The following TRHDE variants were observed in gnomAD, a reference collection of about 807,000 sequenced individuals.
TRHDE encodes thyrotropin-releasing hormone-degrading ectoenzyme.
In TRHDE, 72 loss-of-function variants were observed where a neutral mutation model predicts 125.7. The observed-to-expected ratio is 0.57, with a 90% CI of 0.47 to 0.70. TRHDE has a LOEUF of 0.70. TRHDE is among the 30% of genes least tolerant of loss of function. The pLI is 0.00. For missense variants in TRHDE, 1,110 were observed against 1,327.1 expected (o/e 0.84, Z 2.54); for synonymous variants, 509 against 509.1 (o/e 1.00, Z 0.00).
chr12:72,233,696 T>A (rs1479717635), intron 2 of TRHDE, among the ~76,000 whole-genome samples: 1 of 152,164 alleles, frequency 6.6e-6, no homozygotes, highest in Non-Finnish European at 1.5e-5. Context: ...AACCTCAGCA[T>A]AAAATGTTAT....
chr12:72,131,065 ATT>A lies in TRHDE; in HGVS notation n.279+25336_279+25337del, dbSNP rs757285511. On this transcript the variant is annotated intron_variant and non_coding_transcript_variant, in intron 2 of 4. Coordinates refer to the TRHDE transcript ENST00000548156. ...TATATTTCTTGTACTACTTAATGTAATTTTTTTTTTTTTTTTTTTTTTTTGAG... is the reference window on the plus strand; with the variant it reads ...TATATTTCTTGTACTACTTAATGTAATTTTTTTTTTTTTTTTTTTTTTGAG... 7.4e-3 allele frequency among the ~76,000 whole-genome samples: 782 copies of A among 105,356 alleles called. 2 individuals are homozygous for A. Among genetic ancestry groups the A allele is most frequent in the African/African-American group, 0.029 (735 of 25,700 alleles). 69.1% of individuals were successfully genotyped at this position (105,356 alleles called of 152,430 possible). A position where few individuals can be genotyped will look rare whatever the true frequency, so the allele number is the denominator to read the frequency against.
intron 3 of TRHDE, among the ~76,000 whole-genome samples, chr12:72,423,789 CTT>C (rs1206471201): frequency 6.6e-6 from 1 of 151,872 alleles, no homozygotes; most frequent in Non-Finnish European, 1.5e-5. Context: ...TCGGAAGAGT[CTT>C]TAAAAGTGGA....
intron 2 of TRHDE, among the ~76,000 whole-genome samples, chr12:72,287,963 A>G (rs1044682838): frequency 4.6e-5 from 7 of 151,198 alleles, no homozygotes; most frequent in African/African-American, 1.2e-4. Flanking sequence ...TTTTTTTTCA[A>G]ATGAGTAAAG....
chr12:72,372,782 G>A (rs1190324036), intron 2 of TRHDE, among the ~76,000 whole-genome samples: 1 of 152,110 alleles, frequency 6.6e-6, no homozygotes, highest in Non-Finnish European at 1.5e-5. Context: ...ATGCTGTTTT[G>A]GTTACTGTAG....
At position 72,128,003 on chromosome 12, in the gene TRHDE, G is replaced by A. The variant is rs139830818; in HGVS notation, n.279+22251G>A. Among the ~76,000 whole-genome samples the A allele has an allele frequency of 4.3e-3, 647 of 152,160 alleles. 1 individual carries two copies. Among genetic ancestry groups the A allele is most frequent in the African/African-American group, 0.015 (625 of 41,506 alleles). On this transcript the variant is annotated intron_variant and non_coding_transcript_variant, in intron 2 of 4. Transcript: ENST00000548156. ...CTGAGTTTGCAGAACAGAGTATTAG[G>A]AGTGAGCTGCAAAAAAAACAGAACC...
At position 72,371,840 on chromosome 12, in the gene TRHDE, C is replaced by T. The variant is rs57916278; in HGVS notation, c.1189-6155C>T. On this transcript the variant is annotated intron_variant, in intron 2 of 18. Transcript: ENST00000261180. ...AAGTCTTTGCTATTGTGAATAGTGCCGCAATAAACATACATGTGCATGTGT... is the reference window on the plus strand; with the variant it reads ...AAGTCTTTGCTATTGTGAATAGTGCTGCAATAAACATACATGTGCATGTGT... Among the ~76,000 whole-genome samples, 1,239 of 152,120 alleles carry T rather than the reference C, an allele frequency of 8.1e-3. 26 individuals are homozygous for T. Among genetic ancestry groups the T allele is most frequent in the African/African-American group, 0.028 (1,163 of 41,468 alleles).
Position 72,542,341 on chromosome 12 carries a change from C to T in TRHDE, c.1773C>T (p.Phe591=). The part of the protein sequence containing the change: ...MLANFMGHSV[F]QRGLQDYLTI... ...CTAATTTTATGGGCCATTCAGTTTT[C>T]CAGAGGGGTTTGCAAGTAAGTAAAA... The change falls in exon 7 of 19, where the codon TTC becomes TTT. Residue 591 remains phenylalanine (F), a synonymous_variant. Transcript: ENST00000261180. The T allele has an allele frequency of 1.9e-6, 3 of 1,604,044 alleles. No individual in the cohort carries two copies. The highest frequency in any genetic ancestry group is 2.6e-6 in the Non-Finnish European group (3 of 1,173,820).
chr12:72,540,300 A>C (rs984429486), intron 6 of TRHDE, among the ~76,000 whole-genome samples: 2 of 151,778 alleles, frequency 1.3e-5, no homozygotes, highest in African/African-American at 4.8e-5. Flanking sequence ...TAATATAATC[A>C]GGAGCTAAGT....
intron 2 of TRHDE, among the ~76,000 whole-genome samples, chr12:72,218,994 G>A (rs1877950309): frequency 6.6e-6 from 1 of 151,982 alleles, no homozygotes; most frequent in South Asian, 2.1e-4. Flanking sequence ...TCTAAATTTT[G>A]CCAGAGAGCA....
In TRHDE at chr12:72,663,835, A is replaced by G. The variant is rs891206980; in HGVS notation, c.*640A>G. 6.6e-6 allele frequency: 1 copy of G among 152,122 alleles called. No individual in the cohort carries two copies. Among genetic ancestry groups the G allele is most frequent in the Non-Finnish European group, 1.5e-5 (1 of 68,032 alleles). 9.4% of individuals were successfully genotyped at this position (152,122 alleles called of 1,614,324 possible). ...CATTTTCTTTGAGTTAAAGCTGTGT[A>G]TACATTTTAAAAGGCATATAGATAG... is the stretch of plus-strand genomic sequence containing the variant. On this transcript the variant is annotated 3_prime_UTR_variant, in exon 19 of 19. Transcript: ENST00000261180.
chr12:72,155,362 G>A lies in TRHDE; in HGVS notation n.279+49610G>A, dbSNP rs537576412. On this transcript the variant is annotated intron_variant and non_coding_transcript_variant, in intron 2 of 4. Transcript: ENST00000548156. ...GAACTTCCTTCTTTAGCTCAGAGTA[G>A]TTTGATCGTCTGAAGCCTTCTTCTC... 3.3e-5 allele frequency among the ~76,000 whole-genome samples: 5 copies of A among 152,124 alleles called. No homozygotes were observed. In the South Asian group the frequency reaches 8.3e-4, roughly 25 times the overall value.
At chr12:72,106,581 A>G (rs543505896) in intron 2 of TRHDE, among the ~76,000 whole-genome samples, 191 of 152,234 alleles carry the variant, frequency 1.3e-3, no homozygotes, top group African/African-American at 3.0e-3. Context: ...TTGAAAGTGA[A>G]TAACTTTTGT....
At chr12:72,196,946 C>A (rs1272671385) in intron 2 of TRHDE, among the ~76,000 whole-genome samples, 1 of 152,064 alleles carries the variant, frequency 6.6e-6, no homozygotes, top group Non-Finnish European at 1.5e-5. Flanking sequence ...TTCTTCCATT[C>A]TCCCTGAGCC....
chr12:72,397,318 C>A (rs1872839998), intron 3 of TRHDE, among the ~76,000 whole-genome samples: 1 of 152,206 alleles, frequency 6.6e-6, no homozygotes, highest in Non-Finnish European at 1.5e-5. Context: ...CAAGCCATCA[C>A]CTTTTTCCTC....
intron 2 of TRHDE, among the ~76,000 whole-genome samples, chr12:72,224,845 C>G (rs977556506): frequency 6.6e-5 from 10 of 152,180 alleles, no homozygotes; most frequent in African/African-American, 2.4e-4. Context: ...TATCTCTCCA[C>G]TAATGCAACT....
At chr12:72,433,467 A>G (rs1273602738) in intron 3 of TRHDE, among the ~76,000 whole-genome samples, 1 of 152,078 alleles carries the variant, frequency 6.6e-6, no homozygotes, top group Admixed American at 6.6e-5. Context: ...GGACAGGAGC[A>G]GTAGCCTTTA....
intron 3 of TRHDE, among the ~76,000 whole-genome samples, chr12:72,441,633 A>G (rs1378520168): frequency 1.3e-5 from 2 of 151,820 alleles, no homozygotes; most frequent in African/African-American, 4.8e-5. Context: ...TATAAGTAAT[A>G]TCAGTTTTGA....
chr12:72,096,236 T>G (rs1015348337), intron 1 of TRHDE, among the ~76,000 whole-genome samples: 1 of 152,062 alleles, frequency 6.6e-6, no homozygotes, highest in Non-Finnish European at 1.5e-5. Context: ...GTTTCTCTAA[T>G]CCAGCATTTG....
chr12:72,206,914 G>T (rs1170864809), intron 2 of TRHDE, among the ~76,000 whole-genome samples: 1 of 151,922 alleles, frequency 6.6e-6, no homozygotes, highest in Non-Finnish European at 1.5e-5. Flanking sequence ...TGACACTAAT[G>T]ACAACTCAAA....
Sources: gnomAD v4.1 joint callset for allele counts (sites outside exome capture counted in the v4.1 genomes callset) on GRCh38, gnomAD v4.1.1 for gene constraint, MANE v1.5 for transcripts, NCBI Gene and HGNC (gene_info 2026-07-23, HGNC 2026-07-21) for gene names.